Variants in COX17 observed in about 807,000 individuals in gnomAD.
COX17 encodes the protein cytochrome c oxidase copper chaperone COX17, also known as cytochrome c oxidase copper chaperone.
Under a neutral mutation model 6.3 loss-of-function variants are expected in COX17, and 1 was observed. That is an observed-to-expected ratio of 0.16 (90% confidence interval 0.06 to 0.75). COX17 has a LOEUF of 0.75. Among genes scored for constraint, COX17 ranks in the 30% least tolerant of loss-of-function variants. The pLI is 0.77. For missense variants in COX17, 73 were observed against 81.2 expected (o/e 0.90, Z 0.39); for synonymous variants, 26 against 30.5 (o/e 0.85, Z 0.49).
At chr3:119,677,078 C>A in intron 1 of COX17, 126 bp downstream of exon 1, 3 of 550,144 alleles carry the variant, frequency 5.5e-6, no homozygotes, top group Non-Finnish European at 9.8e-6. Flanking sequence ...AGGAAGAGGG[C>A]AGAGGGCAGA....
In COX17 at chr3:119,674,083, G is replaced by A. The variant is rs185640744; in HGVS notation, c.*4+1062C>T. On this transcript the variant is annotated intron_variant, in intron 2 of 2. Transcript: ENST00000261070. ...CTGCCCCGTCTGGGATGTGAGGAGCGCCTCTGCCCAGCTGCCGCCCTGTCT... is the reference window on the plus strand; with the variant it reads ...CTGCCCCGTCTGGGATGTGAGGAGCACCTCTGCCCAGCTGCCGCCCTGTCT... 1.7e-3 allele frequency among the ~76,000 whole-genome samples: 257 copies of A among 150,278 alleles called. 1 individual carries two copies. The highest frequency in any genetic ancestry group is 5.9e-3 in the African/African-American group (239 of 40,290).
chr3:119,669,977 T>C (rs757773807), intron 2 of COX17, among the ~76,000 whole-genome samples: 4 of 152,096 alleles, frequency 2.6e-5, no homozygotes, highest in African/African-American at 4.8e-5. Flanking sequence ...CTCAAAAATA[T>C]CCTCCAAAAA....
chr3:119,668,828 A>T (rs1456118028), downstream of COX17, among the ~76,000 whole-genome samples: 2 of 151,968 alleles, frequency 1.3e-5, no homozygotes, highest in Non-Finnish European at 2.9e-5. Flanking sequence ...GCAGAATATG[A>T]TCATACTTCA....
chr3:119,665,329 G>C (rs2052984447), downstream of COX17: 1 of 152,194 alleles, frequency 6.6e-6, no homozygotes, highest in African/African-American at 2.4e-5. Flanking sequence ...TATGCCTAAG[G>C]ATGAGAAGGG....
At chr3:119,665,524 C>G (rs1455934203), downstream of COX17, among the ~76,000 whole-genome samples, 2 of 152,136 alleles carry the variant, frequency 1.3e-5, no homozygotes, top group African/African-American at 4.8e-5. Context: ...CAGGCATGTA[C>G]CACCATGCCG....
chr3:119,677,088 A>AGGGC, intron 1 of COX17, 116 bp downstream of exon 1: 1 of 575,366 alleles, frequency 1.7e-6, no homozygotes. Flanking sequence ...CAGAGGGCAG[A>AGGGC]AGGCAGAGGG....
At chr3:119,676,706 T>G in intron 1 of COX17, 1 of 621,588 alleles carries the variant, frequency 1.6e-6, no homozygotes, top group Non-Finnish European at 2.9e-6. Context: ...CTGTTTGGTC[T>G]TAACAAATCT....
downstream of COX17, among the ~76,000 whole-genome samples, chr3:119,668,476 C>T (rs1040939619): frequency 2.0e-5 from 3 of 150,522 alleles, no homozygotes; most frequent in Non-Finnish European, 3.0e-5. Context: ...AATAACAGTG[C>T]TAAATACTGT....
At chr3:119,676,615 C>T (rs534632860) in intron 1 of COX17, 3 of 467,936 alleles carry the variant, frequency 6.4e-6, no homozygotes, top group South Asian at 2.3e-5. Context: ...CGTAACTCTT[C>T]AGAACTGTAA....
At chr3:119,672,026 T>A (rs1244817235) in intron 2 of COX17, among the ~76,000 whole-genome samples, 2 of 152,234 alleles carry the variant, frequency 1.3e-5, no homozygotes, top group African/African-American at 4.8e-5. Context: ...GATTCAATAA[T>A]AATCAAGTCA....
intron 1 of COX17, among the ~76,000 whole-genome samples, chr3:119,676,416 G>A (rs1321532311): frequency 6.6e-6 from 1 of 152,236 alleles, no homozygotes; most frequent in Non-Finnish European, 1.5e-5. Context: ...AAAGGGGCCA[G>A]AGGAAGAGAT....
chr3:119,674,171 C>T (rs1444217820), intron 2 of COX17, among the ~76,000 whole-genome samples: 4 of 151,322 alleles, frequency 2.6e-5, no homozygotes, highest in African/African-American at 9.7e-5. Flanking sequence ...GCGTCTCTGC[C>T]CAGCTGCCCA....
chr3:119,672,744 T>G (rs1304176404), intron 2 of COX17, among the ~76,000 whole-genome samples: 3 of 152,222 alleles, frequency 2.0e-5, no homozygotes, highest in Non-Finnish European at 4.4e-5. Context: ...ATACTATATA[T>G]AGAATCACAA....
downstream of COX17, among the ~76,000 whole-genome samples, chr3:119,664,853 A>C (rs574300528): frequency 6.6e-5 from 10 of 152,318 alleles, no homozygotes; most frequent in African/African-American, 2.4e-4. Flanking sequence ...AGGGGAAAAA[A>C]GCTGGTTCTT....
At chr3:119,666,641 T>C (rs973704256), downstream of COX17, among the ~76,000 whole-genome samples, 7 of 152,232 alleles carry the variant, frequency 4.6e-5, no homozygotes, top group African/African-American at 1.7e-4. Context: ...TATACATATA[T>C]CCACTAGACT....
downstream of COX17, chr3:119,669,339 C>T (rs571969754): frequency 6.6e-6 from 1 of 151,866 alleles, no homozygotes; most frequent in East Asian, 1.9e-4. Flanking sequence ...CTTCTATGCA[C>T]CTAATTCTGG....
At chr3:119,668,104 A>C (rs1306500113), downstream of COX17, among the ~76,000 whole-genome samples, 1 of 152,148 alleles carries the variant, frequency 6.6e-6, no homozygotes, top group African/African-American at 2.4e-5. Context: ...GCAAAACATG[A>C]TAATGTTATA....
At chr3:119,673,735 A>G (rs1347372551) in intron 2 of COX17, among the ~76,000 whole-genome samples, 1 of 152,236 alleles carries the variant, frequency 6.6e-6, no homozygotes, top group African/African-American at 2.4e-5. Flanking sequence ...ATAACTGAAG[A>G]AAGAGCTTCC....
In COX17 at chr3:119,672,387, T is replaced by C. The variant is rs924410225; in HGVS notation, c.*5-2722A>G. ...GATACTTTTGAATATATGCCACTTA[T>C]AACAATTGTACCACCTTTGTGGTTC... On this transcript the variant is annotated intron_variant, in intron 2 of 2. Transcript: ENST00000261070. 3.3e-5 allele frequency among the ~76,000 whole-genome samples: 5 copies of C among 152,250 alleles called. No homozygotes were observed. The East Asian group carries it at 7.7e-4, about 23-fold the overall frequency.
Sources: gnomAD v4.1 joint callset for allele counts (sites outside exome capture counted in the v4.1 genomes callset) on GRCh38, gnomAD v4.1.1 for gene constraint, MANE v1.5 for transcripts, NCBI Gene and HGNC (gene_info 2026-07-23, HGNC 2026-07-21) for gene names.